EDN3: variants seen among roughly 807,000 people sequenced by gnomAD.
EDN3 encodes the protein endothelin-3.
EDN3 carries 9 observed loss-of-function variants against 21.4 expected under a neutral mutation model. That is an observed-to-expected ratio of 0.42 (90% CI 0.25 to 0.73). The LOEUF (loss-of-function observed/expected upper bound fraction) is 0.73. Among genes scored for constraint, EDN3 ranks in the 30% least tolerant of loss-of-function variants. The pLI, the probability that EDN3 is intolerant of heterozygous loss-of-function variation, is 0.26. For missense variants in EDN3, 327 were observed against 309.4 expected (o/e 1.06, Z -0.43); for synonymous variants, 133 against 126.2 (o/e 1.05, Z -0.36).
rs928061369 is a variant in EDN3 at position 59,300,682 on chromosome 20, C to G, written c.-131C>G. 1.0e-5 allele frequency: 9 copies of G among 863,158 alleles called. No individual in the cohort carries two copies. The highest frequency in any genetic ancestry group is 3.4e-5 in the African/African-American group (2 of 58,894). 53.5% of individuals were successfully genotyped at this position (863,158 alleles called of 1,614,324 possible). A position where few individuals can be genotyped will look rare whatever the true frequency, so the allele number is the denominator to read the frequency against. ...CAACTCCTGGCCGGAGCTGGAGACG[C>G]AGCGAGCGATCGGCCGGCCTCGAAC... On this transcript the variant is annotated 5_prime_UTR_variant, in exon 1 of 5. Coordinates refer to ENST00000337938, the MANE Select transcript of EDN3 (RefSeq NM_207034.3).
At chr20:59,313,349 CA>C (rs1334243653) in intron 2 of EDN3, among the ~76,000 whole-genome samples, 6 of 152,150 alleles carry the variant, frequency 3.9e-5, no homozygotes, top group Non-Finnish European at 7.3e-5. Flanking sequence ...GTTGCTGAGC[CA>C]GGGGGTTGTG....
rs1568828346 is a variant in EDN3 at position 59,305,793 on chromosome 20, T to C, written c.365+4071T>C. Reference sequence around the variant, plus strand: ...TTTTCTGTGAAGGCCCTCAACAGATTGGATGAGGCCCACTACATTTTGGAG... The same window carrying C: ...TTTTCTGTGAAGGCCCTCAACAGATCGGATGAGGCCCACTACATTTTGGAG... On this transcript the variant is annotated intron_variant, in intron 2 of 4. Transcript: ENST00000337938. The surrounding 1 kb of genome is among the most constrained non-coding windows in gnomAD (Gnocchi z 4.2). 2.0e-5 allele frequency among the ~76,000 whole-genome samples: 3 copies of C among 152,224 alleles called. No individual in the cohort carries two copies. Among genetic ancestry groups the C allele is most frequent in the Non-Finnish European group, 4.4e-5 (3 of 68,046 alleles).
At chr20:59,324,221 T>G (rs1023931668) in intron 4 of EDN3, 110 bp from the exon 5 acceptor site, 12 of 1,384,562 alleles carry the variant, frequency 8.7e-6, no homozygotes, top group Non-Finnish European at 1.2e-5. Context: ...GGGAACAGGC[T>G]GGAGAGGCAG....
intron 2 of EDN3, among the ~76,000 whole-genome samples, chr20:59,318,521 C>T (rs955105507): frequency 2.6e-5 from 4 of 152,196 alleles, no homozygotes; most frequent in Admixed American, 6.5e-5. Flanking sequence ...ACAATGTCAG[C>T]GGCAGGCTCT....
chr20:59,324,661 G>A lies in EDN3; in HGVS notation c.*202G>A. On this transcript the variant is annotated 3_prime_UTR_variant, in exon 5 of 5. Transcript: ENST00000337938. Reference sequence around the variant, plus strand: ...CCCCAGTTTTCCTAATGAGTAAAATGATCCCAGATGTGCCCCAGAGCATGA... The same window carrying A: ...CCCCAGTTTTCCTAATGAGTAAAATAATCCCAGATGTGCCCCAGAGCATGA... The A allele has an allele frequency of 1.5e-6, 1 of 678,908 alleles. No homozygotes were observed. Among genetic ancestry groups the A allele is most frequent in the East Asian group, 2.8e-5 (1 of 35,786 alleles). The allele number at this position is 678,908 out of a possible 1,614,324, so 42.1% of individuals were successfully genotyped here. A position where few individuals can be genotyped will look rare whatever the true frequency, so the allele number is the denominator to read the frequency against.
intron 2 of EDN3, among the ~76,000 whole-genome samples, chr20:59,309,467 C>G (rs895928472): frequency 1.3e-5 from 2 of 152,068 alleles, no homozygotes; most frequent in African/African-American, 2.4e-5. Flanking sequence ...AGGAAGCAAT[C>G]GAGGAAATCC....
chr20:59,312,848 C>T (rs1989920427), intron 2 of EDN3, among the ~76,000 whole-genome samples: 1 of 152,304 alleles, frequency 6.6e-6, no homozygotes, highest in South Asian at 2.1e-4. Context: ...TTTTGTTTCT[C>T]AGGGCCAGAA....
In EDN3 at chr20:59,301,501, G is replaced by C. The variant is rs749180844; in HGVS notation, c.144G>C (p.Glu48Asp). The C allele has an allele frequency of 5.0e-6, 8 of 1,613,060 alleles. No homozygotes were observed. In the East Asian group the frequency reaches 1.3e-4, roughly 27 times the overall value. ...TAARSEGDCE[E>D]TVAGPGEETV... Reference sequence around the variant, plus strand: ...CCAGATCTGAGGGGGACTGTGAAGAGACTGTGGCTGGCCCTGGCGAGGAGA... The same window carrying C: ...CCAGATCTGAGGGGGACTGTGAAGACACTGTGGCTGGCCCTGGCGAGGAGA... The change falls in exon 2 of 5, where the codon GAG (glutamate) becomes GAC (aspartate). Residue 48 changes from glutamate to aspartate, a missense_variant. Glu to Asp is a conservative substitution (Grantham distance 45, BLOSUM62 2). Coordinates refer to ENST00000337938, the MANE Select transcript of EDN3 (RefSeq NM_207034.3).
intron 2 of EDN3, among the ~76,000 whole-genome samples, chr20:59,310,038 T>C (rs1054630021): frequency 6.6e-6 from 1 of 152,222 alleles, no homozygotes; most frequent in African/African-American, 2.4e-5. Context: ...AGTGAGGAAC[T>C]TGGCCTTCAA....
Position 59,305,812 on chromosome 20 carries a change from T to C in EDN3, c.365+4090T>C, listed in dbSNP as rs1373708974. Among the ~76,000 whole-genome samples the C allele has an allele frequency of 6.6e-6, 1 of 152,136 alleles. No individual in the cohort carries two copies. Among genetic ancestry groups the C allele is most frequent in the Non-Finnish European group, 1.5e-5 (1 of 68,018 alleles). ...ACAGATTGGATGAGGCCCACTACAT[T>C]TTGGAGGGTCAGCTGCTTTGCTCAA... On this transcript the variant is annotated intron_variant, in intron 2 of 4. Transcript: ENST00000337938. This position sits in a 1 kb window ranked among gnomAD's most constrained non-coding sequence, Gnocchi z 4.2.
intron 2 of EDN3, among the ~76,000 whole-genome samples, chr20:59,307,563 C>G (rs1989511769): frequency 1.3e-5 from 2 of 152,214 alleles, no homozygotes; most frequent in Admixed American, 1.3e-4. Flanking sequence ...ATGACTCCTG[C>G]TTTCGTTCAT....
intron 1 of EDN3, 75 bp from the exon 2 acceptor site, chr20:59,301,335 T>C (rs1041669994): frequency 6.5e-7 from 1 of 1,535,700 alleles, no homozygotes; most frequent in African/African-American, 1.4e-5. Context: ...ACCCCCCTCC[T>C]CAGGTGTTTG....
rs368764269 is a variant in EDN3, at chr20:59,322,335, G to C, written c.543-37G>C. ...ACCGAAAAACCAGCCACAGGGAAAG[G>C]CAGGTTGATTGATTAAAACCAGCTC... is the stretch of plus-strand genomic sequence containing the variant. On this transcript the variant is annotated intron_variant, in intron 3 of 4. Transcript: ENST00000337938. The surrounding 1 kb of genome is among the most constrained non-coding windows in gnomAD (Gnocchi z 4.1). 1.2e-6 allele frequency: 2 copies of C among 1,612,948 alleles called. No homozygotes were observed. The highest frequency in any genetic ancestry group is 1.7e-6 in the Non-Finnish European group (2 of 1,179,042).
chr20:59,313,004 G>C (rs1034653614), intron 2 of EDN3, among the ~76,000 whole-genome samples: 2 of 152,194 alleles, frequency 1.3e-5, no homozygotes, highest in African/African-American at 4.8e-5. Flanking sequence ...GTGGCCTGCA[G>C]GAGTTATTGC....
At chr20:59,303,853 A>G (rs1318852525) in intron 2 of EDN3, among the ~76,000 whole-genome samples, 5 of 152,008 alleles carry the variant, frequency 3.3e-5, no homozygotes, top group African/African-American at 1.2e-4. Context: ...CCTTCCCGAC[A>G]CTGGTTCAAT....
At chr20:59,315,709 A>G (rs1245832426) in intron 2 of EDN3, among the ~76,000 whole-genome samples, 2 of 152,192 alleles carry the variant, frequency 1.3e-5, no homozygotes, top group Non-Finnish European at 2.9e-5. Flanking sequence ...CAGACACATA[A>G]AAAAGATGAG....
chr20:59,312,671 T>C (rs983083673), intron 2 of EDN3, among the ~76,000 whole-genome samples: 5 of 152,070 alleles, frequency 3.3e-5, no homozygotes, highest in African/African-American at 9.7e-5. Context: ...TTATCTTGGG[T>C]GGAGTGGAGC....
At chr20:59,314,931 T>C (rs1422441024) in intron 2 of EDN3, among the ~76,000 whole-genome samples, 1 of 152,214 alleles carries the variant, frequency 6.6e-6, no homozygotes, top group African/African-American at 2.4e-5. Flanking sequence ...TTCATGGGCC[T>C]TTGAATAGTC....
Position 59,322,268 on chromosome 20 carries a change from C to T in EDN3, c.543-104C>T. On this transcript the variant is annotated intron_variant, in intron 3 of 4. Coordinates refer to ENST00000337938, the MANE Select transcript of EDN3 (RefSeq NM_207034.3). This position sits in a 1 kb window ranked among gnomAD's most constrained non-coding sequence, Gnocchi z 4.1. Reference sequence around the variant, plus strand: ...TGAGACGCAGTCCTTGGGGAACGCACTAATGTGCTCATTGGTGGGGAAGAG... The same window carrying T: ...TGAGACGCAGTCCTTGGGGAACGCATTAATGTGCTCATTGGTGGGGAAGAG... The T allele has an allele frequency of 7.7e-7, 1 of 1,305,274 alleles. No homozygotes were observed. Among genetic ancestry groups the T allele is most frequent in the African/African-American group, 1.5e-5 (1 of 68,692 alleles). The allele number at this position is 1,305,274 out of a possible 1,614,324, so 80.9% of individuals were successfully genotyped here. A position where few individuals can be genotyped will look rare whatever the true frequency, so the allele number is the denominator to read the frequency against.
Sources: allele counts gnomAD v4.1 joint callset (sites outside exome capture counted in the v4.1 genomes callset), GRCh38; gene constraint gnomAD v4.1.1; non-coding constraint Gnocchi (gnomAD v3.1); transcripts MANE v1.5; gene names NCBI Gene and HGNC (gene_info 2026-07-23, HGNC 2026-07-21).